SGSM3: variants seen among roughly 807,000 people sequenced by gnomAD.
The protein encoded by SGSM3 is small G protein signaling modulator 3.
In SGSM3, 96 loss-of-function variants were observed where a neutral mutation model predicts 100.5. That is an observed-to-expected ratio of 0.96 (90% confidence interval 0.81 to 1.13). The LOEUF is 1.13. SGSM3 is among the 50% of genes most tolerant of loss of function. SGSM3 has a pLI of 0.00. For synonymous variants in SGSM3, 483 were observed against 422.8 expected, an observed-to-expected ratio of 1.14 and a Z score of -1.75; for missense variants, 1,001 against 1,015.8, an observed-to-expected ratio of 0.99 and a Z score of 0.20.
At chr22:40,384,044 T>C (rs2048025852) in intron 1 of SGSM3, among the ~76,000 whole-genome samples, 1 of 151,688 alleles carries the variant, frequency 6.6e-6, no homozygotes, top group Admixed American at 6.6e-5. Flanking sequence ...AGTGCAGGAG[T>C]TCAAGACCTT....
chr22:40,371,145 C>T (rs1171471981), intron 1 of SGSM3, among the ~76,000 whole-genome samples: 1 of 152,214 alleles, frequency 6.6e-6, no homozygotes, highest in Non-Finnish European at 1.5e-5. Flanking sequence ...AGAACCCGGG[C>T]TCGGATCCAG....
At chr22:40,397,971 T>C (rs1241629436) in intron 1 of SGSM3, among the ~76,000 whole-genome samples, 1 of 143,736 alleles carries the variant, frequency 7.0e-6, no homozygotes, top group Non-Finnish European at 1.5e-5. Flanking sequence ...ATTCTGTCTT[T>C]TTTTTTTTTT....
chr22:40,371,707 T>C (rs1442259218), intron 1 of SGSM3, among the ~76,000 whole-genome samples: 4 of 151,270 alleles, frequency 2.6e-5, no homozygotes, highest in Non-Finnish European at 5.9e-5. Context: ...TCTTTTCTAT[T>C]TTTTTTTTAA....
chr22:40,405,288 A>G lies in SGSM3; in HGVS notation c.618+4A>G. On this transcript the variant is annotated splice_donor_region_variant and intron_variant, in intron 7 of 21. Coordinates refer to ENST00000248929, the MANE Select transcript of SGSM3 (RefSeq NM_015705.6). ...CTACTGCCAGGGCACCGGCATGGTG[A>G]GCACAGCCCCAGAAAGGGCAGTGGC... 1.3e-6 allele frequency: 2 copies of G among 1,496,840 alleles called. No individual in the cohort carries two copies. Among genetic ancestry groups the G allele is most frequent in the Non-Finnish European group, 1.8e-6 (2 of 1,122,336 alleles). 92.7% of individuals were successfully genotyped at this position (1,496,840 alleles called of 1,614,324 possible).
At chr22:40,385,657 G>A (rs2048298623) in intron 1 of SGSM3, among the ~76,000 whole-genome samples, 1 of 152,192 alleles carries the variant, frequency 6.6e-6, no homozygotes, top group South Asian at 2.1e-4. Flanking sequence ...TCCCTCAGCT[G>A]GGGGTGAGTG....
At chr22:40,386,486 G>A (rs9611325) in intron 1 of SGSM3, among the ~76,000 whole-genome samples, 31,775 of 148,902 alleles carry the variant, frequency 0.21, 3,806 homozygotes, top group Admixed American at 0.38. Context: ...TCAGATTAAA[G>A]TAGTAGAAAT....
chr22:40,410,262 T>G lies in SGSM3; in HGVS notation c.*503T>G, dbSNP rs922917238. 2 of 801,524 alleles carry G rather than the reference T, an allele frequency of 2.5e-6. No individual in the cohort carries two copies. The highest frequency in any genetic ancestry group is 3.6e-5 in the African/African-American group (2 of 55,234). 49.7% of individuals were successfully genotyped at this position (801,524 alleles called of 1,614,324 possible). On this transcript the variant is annotated 3_prime_UTR_variant, in exon 22 of 22. Transcript: ENST00000248929. ...CCAGCTGTGCTACCCACCCCTTCCA[T>G]GGACTGAATAAGATGGACTAACAGG...
intron 1 of SGSM3, among the ~76,000 whole-genome samples, chr22:40,389,143 AC>A (rs906976723): frequency 5.9e-5 from 9 of 152,180 alleles, no homozygotes; most frequent in Non-Finnish European, 7.3e-5. Context: ...CATCTGAAGA[AC>A]AGGCATATAG....
chr22:40,403,667 C>T (rs913017971), intron 4 of SGSM3, among the ~76,000 whole-genome samples: 3 of 152,178 alleles, frequency 2.0e-5, no homozygotes, highest in Admixed American at 2.0e-4. Context: ...CCAGAGGAAG[C>T]AGCTGAGGGA....
At chr22:40,390,722 C>T (rs1468400079) in intron 1 of SGSM3, among the ~76,000 whole-genome samples, 1 of 152,080 alleles carries the variant, frequency 6.6e-6, no homozygotes, top group Non-Finnish European at 1.5e-5. Flanking sequence ...AATAGGGGCA[C>T]CTAACACAAA....
At chr22:40,389,468 G>A (rs573126055) in intron 1 of SGSM3, among the ~76,000 whole-genome samples, 5 of 150,750 alleles carry the variant, frequency 3.3e-5, no homozygotes, top group Non-Finnish European at 5.9e-5. Flanking sequence ...GCGTGGTGGC[G>A]GGCGCCTGTA....
chr22:40,402,042 TG>T, intron 3 of SGSM3, 96 bp from the exon 4 acceptor site: 1 of 910,058 alleles, frequency 1.1e-6, no homozygotes, highest in Non-Finnish European at 1.8e-6. Context: ...GAAGGCTGGG[TG>T]GGATTTTAGC....
chr22:40,389,259 G>C (rs1162877889), intron 1 of SGSM3, among the ~76,000 whole-genome samples: 1 of 152,166 alleles, frequency 6.6e-6, no homozygotes, highest in Admixed American at 6.5e-5. Flanking sequence ...TTAAGGAGGG[G>C]AAGTGATTAC....
chr22:40,380,032 C>T (rs960027792), intron 1 of SGSM3, among the ~76,000 whole-genome samples: 2 of 152,034 alleles, frequency 1.3e-5, no homozygotes, highest in Non-Finnish European at 2.9e-5. Context: ...ATTAACTGGC[C>T]TTGGGTTGTT....
chr22:40,400,790 G>T lies in SGSM3; in HGVS notation c.-17G>T. 6.4e-7 allele frequency: 1 copy of T among 1,550,598 alleles called. No individual in the cohort carries two copies. On this transcript the variant is annotated 5_prime_UTR_variant, in exon 2 of 22. Transcript: ENST00000248929. ...CTAAGATTGGAGCTGCAGAAGACTT[G>T]CCAGCCCACCAGCACAATGTCAGGT...
At position 40,409,407 on chromosome 22, in the gene SGSM3, G is replaced by A. The variant is rs770166251; in HGVS notation, c.2111+35G>A. The A allele has an allele frequency of 1.6e-5, 26 of 1,576,052 alleles. No individual in the cohort carries two copies. In the South Asian group the frequency reaches 1.8e-4, roughly 11 times the overall value. On this transcript the variant is annotated intron_variant, in intron 20 of 21. Transcript: ENST00000248929. ...TTACTGGGCTTGGGGGATGGAGGTG[G>A]GGTGGGAAGGGCTAGCTGGGGGTGA...
chr22:40,398,219 G>A (rs1237415504), intron 1 of SGSM3, among the ~76,000 whole-genome samples: 6 of 151,612 alleles, frequency 4.0e-5, no homozygotes. Context: ...CACCCACCTC[G>A]GCCTCCCAAA....
In SGSM3 at chr22:40,392,117, C is replaced by T. The variant is rs144165324; in HGVS notation, c.-111-8579C>T. Among the ~76,000 whole-genome samples the T allele has an allele frequency of 1.2e-3, 183 of 152,246 alleles. 3 individuals are homozygous for T. In the East Asian group the frequency reaches 0.032, roughly 27 times the overall value. On this transcript the variant is annotated intron_variant, in intron 1 of 21. Coordinates refer to ENST00000248929, the MANE Select transcript of SGSM3 (RefSeq NM_015705.6). Reference sequence around the variant, plus strand: ...ACTTCATTATAATAGGGAGCAACTGCAACCCATGTGAAGAGGGACACCTGG... The same window carrying T: ...ACTTCATTATAATAGGGAGCAACTGTAACCCATGTGAAGAGGGACACCTGG...
At chr22:40,383,621 A>G (rs1240756616) in intron 1 of SGSM3, among the ~76,000 whole-genome samples, 1 of 152,186 alleles carries the variant, frequency 6.6e-6, no homozygotes, top group Non-Finnish European at 1.5e-5. Flanking sequence ...CAGAGGACAC[A>G]ATATAAATAA....
Sources: gnomAD v4.1 joint callset for allele counts (sites outside exome capture counted in the v4.1 genomes callset) on GRCh38, gnomAD v4.1.1 for gene constraint, MANE v1.5 for transcripts, NCBI Gene and HGNC (gene_info 2026-07-23, HGNC 2026-07-21) for gene names.